PTPRD: variants seen among roughly 807,000 people sequenced by gnomAD.
PTPRD encodes receptor-type tyrosine-protein phosphatase delta.
PTPRD carries 34 observed loss-of-function variants against 214.5 expected under a neutral mutation model. The ratio of observed to expected loss-of-function variants is 0.16; its 90% CI spans 0.12 to 0.21. The LOEUF (loss-of-function observed/expected upper bound fraction) is 0.21. Ranked by LOEUF, PTPRD falls within the 10% of genes least tolerant of loss-of-function variation. PTPRD has a pLI of 1.00. For synonymous variants in PTPRD, 1,128 were observed against 845.7 expected (o/e 1.33, Z -5.79); for missense variants, 2,545 against 2,398.7 (o/e 1.06, Z -1.27).
intron 7 of PTPRD, among the ~76,000 whole-genome samples, chr9:9,696,051 T>C (rs188552391): frequency 6.6e-6 from 1 of 152,296 alleles, no homozygotes; most frequent in East Asian, 1.9e-4. Context: ...GACTTTTTAT[T>C]ACAGCTTCGA....
At chr9:9,767,032 G>A (rs1262878142) in intron 5 of PTPRD, among the ~76,000 whole-genome samples, 181 bp from the exon 6 acceptor site, 4 of 148,872 alleles carry the variant, frequency 2.7e-5, no homozygotes, top group Admixed American at 1.3e-4. Context: ...AGCACATTAA[G>A]ACAAAAAAGA....
In PTPRD at chr9:8,389,295, T is replaced by C; in HGVS notation, c.4323A>G (p.Arg1441=). 6.2e-7 allele frequency: 1 copy of C among 1,613,192 alleles called. No individual in the cohort carries two copies. Among genetic ancestry groups the C allele is most frequent in the Non-Finnish European group, 8.5e-7 (1 of 1,179,448 alleles). Residue 1441 remains arginine, a synonymous_variant, in exon 37 of 46, where the codon AGA becomes AGG. Transcript: ENST00000381196. The stretch of plus-strand genomic sequence containing the variant: ...TGGCACTCCGTTGTTCCCATATCAT[T>C]CTCCAAAAGTCCCCAAATGTTTCGG... ...SLPETFGDFW[R]MIWEQRSATV... is the part of the protein sequence containing the mutation.
At chr9:9,604,885 A>G (rs1314064919) in intron 7 of PTPRD, among the ~76,000 whole-genome samples, 2 of 152,012 alleles carry the variant, frequency 1.3e-5, no homozygotes, top group Admixed American at 1.3e-4. Flanking sequence ...ACAAAAAAAA[A>G]AGAGAGGTAT....
At position 8,445,905 on chromosome 9, in the gene PTPRD, G is replaced by T. The variant is rs114811508; in HGVS notation, c.3988+3820C>A. Among the ~76,000 whole-genome samples, 192 of 152,226 alleles carry T rather than the reference G, an allele frequency of 1.3e-3. 2 individuals are homozygous for T. The Middle Eastern group carries it at 0.02, about 16-fold the overall frequency. On this transcript the variant is annotated intron_variant, in intron 34 of 45. Transcript: ENST00000381196. Reference sequence around the variant, plus strand: ...CTTCAGCCCTGAAGTACCTCTAGCTGCCAGCACCATCAGTGACTTCAGAAT... The same window carrying T: ...CTTCAGCCCTGAAGTACCTCTAGCTTCCAGCACCATCAGTGACTTCAGAAT...
intron 10 of PTPRD, among the ~76,000 whole-genome samples, chr9:9,100,721 T>G (rs1482768590): frequency 6.6e-6 from 1 of 152,146 alleles, no homozygotes; most frequent in African/African-American, 2.4e-5. Context: ...GGAATATTTC[T>G]AGGCAGGTCC....
At chr9:10,371,814 A>C (rs950754026) in intron 2 of PTPRD, among the ~76,000 whole-genome samples, 1 of 152,090 alleles carries the variant, frequency 6.6e-6, no homozygotes, top group African/African-American at 2.4e-5. Context: ...ATATTTTGGG[A>C]GCATATGGTG....
rs371076681 is a variant in PTPRD, at chr9:9,404,743, T to C, written c.-236-7261A>G. Among the ~76,000 whole-genome samples the C allele has an allele frequency of 2.0e-5, 3 of 152,100 alleles. No homozygotes were observed. In the East Asian group the frequency reaches 5.8e-4, roughly 30 times the overall value. On this transcript the variant is annotated intron_variant, in intron 8 of 45. Transcript: ENST00000381196. ...TTGAGAATCATTATCACAGAGAACA[T>C]GTATGAAGTCAAGGGAATTGGAGAG...
chr9:8,709,989 C>T (rs563821925), intron 12 of PTPRD, among the ~76,000 whole-genome samples: 34 of 152,248 alleles, frequency 2.2e-4, no homozygotes, highest in Admixed American at 3.3e-4. Context: ...CGAACAACTA[C>T]GGACAAATTA....
chr9:9,650,388 T>C (rs1332207142), intron 7 of PTPRD, among the ~76,000 whole-genome samples: 1 of 152,236 alleles, frequency 6.6e-6, no homozygotes, highest in Admixed American at 6.5e-5. Context: ...GATTTGCTTA[T>C]GTTGAACCAA....
At chr9:9,284,980 T>A (rs1019732874) in intron 9 of PTPRD, among the ~76,000 whole-genome samples, 1 of 151,784 alleles carries the variant, frequency 6.6e-6, no homozygotes, top group African/African-American at 2.4e-5. Flanking sequence ...TAGAACAATA[T>A]CTACCAAATA....
intron 5 of PTPRD, among the ~76,000 whole-genome samples, chr9:9,901,265 A>G (rs1216963462): frequency 6.6e-6 from 1 of 152,184 alleles, no homozygotes; most frequent in East Asian, 1.9e-4. Flanking sequence ...ATATGTCATT[A>G]TAATTATAAA....
At chr9:8,895,268 C>T (rs1427325915) in intron 11 of PTPRD, among the ~76,000 whole-genome samples, 1 of 152,150 alleles carries the variant, frequency 6.6e-6, no homozygotes, top group Non-Finnish European at 1.5e-5. Context: ...TTATAAGATA[C>T]ACCAGGATAA....
intron 11 of PTPRD, among the ~76,000 whole-genome samples, chr9:8,819,851 C>T (rs936199988): frequency 6.6e-5 from 10 of 152,114 alleles, no homozygotes; most frequent in African/African-American, 1.7e-4. Flanking sequence ...GAGCACAAAA[C>T]GAGCTGAAAG....
chr9:9,236,991 T>A (rs2099967203), intron 9 of PTPRD, among the ~76,000 whole-genome samples: 1 of 152,210 alleles, frequency 6.6e-6, no homozygotes, highest in South Asian at 2.1e-4. Context: ...TTAGTTTTTG[T>A]CTGGAATTAC....
intron 5 of PTPRD, among the ~76,000 whole-genome samples, chr9:9,814,678 A>T (rs1304564413): frequency 1.3e-5 from 2 of 152,174 alleles, no homozygotes. Context: ...ATACTACCTC[A>T]AACAATCTAC....
At chr9:8,939,550 A>T (rs1197494523) in intron 11 of PTPRD, among the ~76,000 whole-genome samples, 1 of 129,160 alleles carries the variant, frequency 7.7e-6, no homozygotes, top group African/African-American at 2.8e-5. Context: ...TTAGCTTTTC[A>T]TCTATGTGTA....
At position 8,315,002 on chromosome 9, in the gene PTPRD, A is replaced by T; in HGVS notation, c.*2872T>A. Reference sequence around the variant, plus strand: ...CTTTTTATATATTTTGATTTTTTTTACCATTGTAACTAATTACAAAATTAT... The same window carrying T: ...CTTTTTATATATTTTGATTTTTTTTTCCATTGTAACTAATTACAAAATTAT... On this transcript the variant is annotated 3_prime_UTR_variant, in exon 46 of 46. Transcript: ENST00000381196. 1 of 232,452 alleles carries T rather than the reference A, an allele frequency of 4.3e-6. No homozygotes were observed. The highest frequency in any genetic ancestry group is 8.5e-6 in the Non-Finnish European group (1 of 117,220). The allele number at this position is 232,452 out of a possible 1,614,324, so 14.4% of individuals were successfully genotyped here.
chr9:10,528,346 T>C (rs1447825908), intron 2 of PTPRD, among the ~76,000 whole-genome samples: 1 of 152,180 alleles, frequency 6.6e-6, no homozygotes, highest in Non-Finnish European at 1.5e-5. Context: ...CATCTGCTAA[T>C]CTACCTCTTA....
At chr9:9,343,609 G>A (rs937070047) in intron 9 of PTPRD, among the ~76,000 whole-genome samples, 4 of 152,114 alleles carry the variant, frequency 2.6e-5, no homozygotes, top group Non-Finnish European at 4.4e-5. Flanking sequence ...AAGTTTGAAG[G>A]TAGCATTGGA....
Sources: allele counts gnomAD v4.1 joint callset (sites outside exome capture counted in the v4.1 genomes callset), GRCh38; gene constraint gnomAD v4.1.1; transcripts MANE v1.5; gene names NCBI Gene and HGNC (gene_info 2026-07-23, HGNC 2026-07-21).